TG: variants seen among roughly 807,000 people sequenced by gnomAD.
TG encodes thyroglobulin.
A neutral mutation model predicts 324.7 loss-of-function variants in TG; 270 were observed. The observed-to-expected ratio is 0.83, with a 90% CI of 0.75 to 0.92. The LOEUF (loss-of-function observed/expected upper bound fraction) is 0.92, where lower values mean the gene tolerates loss of function less well. Among genes scored for constraint, TG ranks in the 40% least tolerant of loss-of-function variants. The pLI, the probability that TG is intolerant of heterozygous loss-of-function variation, is 0.00. For missense variants in TG, 3,591 were observed against 3,456.4 expected (o/e 1.04, Z -0.98); for synonymous variants, 1,401 against 1,327.0 (o/e 1.06, Z -1.21).
intron 41 of TG, among the ~76,000 whole-genome samples, chr8:133,065,037 A>C (rs1225215572): frequency 6.6e-6 from 1 of 152,192 alleles, no homozygotes; most frequent in East Asian, 1.9e-4. Context: ...TTGTTCTTAG[A>C]AATTTCTGCT....
chr8:132,961,121 A>T (rs778926850), intron 28 of TG, 48 bp downstream of exon 28: 30 of 1,583,216 alleles, frequency 1.9e-5, no homozygotes, highest in Non-Finnish European at 2.3e-5. Context: ...TGATTACATG[A>T]GATTGTCTGG....
At chr8:133,112,058 C>T (rs1183617324) in intron 43 of TG, among the ~76,000 whole-genome samples, 1 of 151,726 alleles carries the variant, frequency 6.6e-6, no homozygotes, top group Non-Finnish European at 1.5e-5. Flanking sequence ...CTGTTCCCAC[C>T]CAAGAGTGGC....
chr8:132,896,771 T>A (rs551504760), intron 11 of TG, among the ~76,000 whole-genome samples: 1 of 152,278 alleles, frequency 6.6e-6, no homozygotes, highest in African/African-American at 2.4e-5. Context: ...CTCCTCTACA[T>A]GCAAAATAAA....
intron 35 of TG, chr8:132,994,895 G>T (rs1029254047): frequency 8.4e-7 from 1 of 1,197,158 alleles, no homozygotes; most frequent in Non-Finnish European, 1.1e-6. Flanking sequence ...GAGGTAATGA[G>T]CTCCCTGTCA....
At chr8:132,940,916 A>C (rs1032685398) in intron 25 of TG, among the ~76,000 whole-genome samples, 1 of 152,248 alleles carries the variant, frequency 6.6e-6, no homozygotes, top group African/African-American at 2.4e-5. Flanking sequence ...TCCCTACCAC[A>C]TGTTTAAACT....
intron 35 of TG, among the ~76,000 whole-genome samples, chr8:132,996,938 G>A (rs559381261): frequency 3.9e-4 from 59 of 152,296 alleles, no homozygotes; most frequent in Non-Finnish European, 8.4e-4. Context: ...AGACTAATGA[G>A]AGATGAAGTT....
intron 8 of TG, 98 bp from the exon 9 acceptor site, chr8:132,886,350 A>C: frequency 2.0e-6 from 3 of 1,518,820 alleles, no homozygotes; most frequent in Middle Eastern, 2.1e-4. Flanking sequence ...CCTTGATTGA[A>C]TGTTCTGGCT....
intron 41 of TG, among the ~76,000 whole-genome samples, chr8:133,042,663 C>A (rs1049703463): frequency 6.6e-5 from 9 of 135,566 alleles, no homozygotes; most frequent in Non-Finnish European, 1.4e-4. Context: ...GTGCACAATT[C>A]CTCTCATTCT....
chr8:132,874,434 C>T (rs189703663), intron 5 of TG, among the ~76,000 whole-genome samples: 3 of 152,282 alleles, frequency 2.0e-5, no homozygotes, highest in Admixed American at 2.0e-4. Flanking sequence ...AAAGGGTTCA[C>T]GCAGACTTTA....
chr8:132,957,704 G>A (rs544757218), intron 27 of TG, among the ~76,000 whole-genome samples: 2 of 147,376 alleles, frequency 1.4e-5, no homozygotes, highest in South Asian at 4.4e-4. Flanking sequence ...TGTATTGAGG[G>A]ACTGTAACCC....
At chr8:133,132,071 C>T in intron 46 of TG, 125 bp downstream of exon 46, 3 of 1,426,368 alleles carry the variant, frequency 2.1e-6, no homozygotes, top group South Asian at 1.2e-5. Flanking sequence ...ACTATAATCA[C>T]CAGCCACTGG....
intron 9 of TG, 53 bp downstream of exon 9, chr8:132,887,601 C>T (rs1815609092): frequency 6.2e-7 from 1 of 1,611,456 alleles, no homozygotes; most frequent in African/African-American, 1.3e-5. Context: ...TCTTTAGGCC[C>T]TGACCCAATG....
At chr8:132,951,465 A>T (rs1826090199) in intron 27 of TG, among the ~76,000 whole-genome samples, 1 of 152,216 alleles carries the variant, frequency 6.6e-6, no homozygotes, top group Admixed American at 6.5e-5. Context: ...AAGACATATG[A>T]TATATTCATG....
chr8:132,899,363 T>G (rs1208935007), intron 14 of TG, among the ~76,000 whole-genome samples: 1 of 152,204 alleles, frequency 6.6e-6, no homozygotes, highest in Non-Finnish European at 1.5e-5. Context: ...GAAGTACTGA[T>G]GTAGAGCTCC....
In TG at chr8:133,120,987, G is replaced by T. The variant is rs567664915; in HGVS notation, c.7862+4271G>T. ...GTGTGGGTTTCTCTGTTGCTGAGTA[G>T]TGTCCTCATGTCCCTAGAGACAGGG... On this transcript the variant is annotated intron_variant, in intron 45 of 47. Transcript: ENST00000220616. Among the ~76,000 whole-genome samples, 272 of 152,266 alleles carry T rather than the reference G, an allele frequency of 1.8e-3. 1 individual carries two copies. Among genetic ancestry groups the T allele is most frequent in the Middle Eastern group, 6.8e-3 (2 of 294 alleles).
intron 41 of TG, among the ~76,000 whole-genome samples, chr8:133,091,218 C>T (rs1051750674): frequency 6.6e-6 from 1 of 152,248 alleles, no homozygotes; most frequent in Non-Finnish European, 1.5e-5. Context: ...TAGGAATTAA[C>T]TCCTCGATTC....
chr8:133,007,321 A>T (rs903159907), intron 35 of TG, among the ~76,000 whole-genome samples: 7 of 151,692 alleles, frequency 4.6e-5, no homozygotes, highest in Admixed American at 2.6e-4. Context: ...GTGTTTTTAA[A>T]TTTTTTTTTA....
chr8:132,961,486 G>T (rs529144592), intron 28 of TG, among the ~76,000 whole-genome samples: 1 of 152,338 alleles, frequency 6.6e-6, no homozygotes, highest in East Asian at 1.9e-4. Flanking sequence ...CTGATCTCCT[G>T]CTCAGAGATA....
intron 34 of TG, 75 bp from the exon 35 acceptor site, chr8:132,983,275 T>A (rs1831116354): frequency 8.0e-6 from 12 of 1,494,946 alleles, no homozygotes; most frequent in Non-Finnish European, 1.1e-5. Flanking sequence ...CATCTTATAC[T>A]TATATTAATG....
Sources: gnomAD v4.1 joint callset for allele counts (sites outside exome capture counted in the v4.1 genomes callset) on GRCh38, gnomAD v4.1.1 for gene constraint, MANE v1.5 for transcripts, NCBI Gene and HGNC (gene_info 2026-07-23, HGNC 2026-07-21) for gene names.